Variants in ERI1 observed in about 807,000 individuals in gnomAD.
ERI1 encodes 3'-5' exoribonuclease 1.
In ERI1, 39 loss-of-function variants were observed where a neutral mutation model predicts 39.7. The ratio of observed to expected loss-of-function variants is 0.98; its 90% CI spans 0.76 to 1.28. The LOEUF (loss-of-function observed/expected upper bound fraction) is 1.28. Among genes scored for constraint, ERI1 ranks in the 50% most tolerant of loss-of-function variants. The probability of loss-of-function intolerance (pLI) is 0.00; values close to 1 mark genes in which losing one functional copy is unlikely to be tolerated. For synonymous variants in ERI1, 204 were observed against 149.6 expected (o/e 1.36, Z -2.65); for missense variants, 581 against 416.9 (o/e 1.39, Z -3.43).
At chr8:9,082,260 C>A (rs1391382235) in intron 3 of ERI1, among the ~76,000 whole-genome samples, 1 of 152,170 alleles carries the variant, frequency 6.6e-6, no homozygotes, top group African/African-American at 2.4e-5. Context: ...CCTCTTACTC[C>A]TTTTACCAGA....
At chr8:9,008,470 T>A (rs898458172) in intron 2 of ERI1, among the ~76,000 whole-genome samples, 12 of 152,206 alleles carry the variant, frequency 7.9e-5, no homozygotes, top group African/African-American at 2.9e-4. Flanking sequence ...ATTAGTGAGA[T>A]AGAGTATTTT....
chr8:9,040,433 A>G (rs1320455320), intron 3 of ERI1, among the ~76,000 whole-genome samples: 1 of 152,224 alleles, frequency 6.6e-6, no homozygotes, highest in Non-Finnish European at 1.5e-5. Flanking sequence ...TTGGGGCAGC[A>G]GTGCCAAGTG....
At chr8:9,050,461 G>A (rs987860930) in intron 3 of ERI1, among the ~76,000 whole-genome samples, 4 of 150,536 alleles carry the variant, frequency 2.7e-5, no homozygotes, top group Admixed American at 1.3e-4. Flanking sequence ...GAGCTGAGAC[G>A]GTGCCATTAC....
At chr8:9,019,282 C>G (rs1817635500) in intron 5 of ERI1, among the ~76,000 whole-genome samples, 1 of 152,202 alleles carries the variant, frequency 6.6e-6, no homozygotes, top group Admixed American at 6.5e-5. Context: ...AGGTTATCCT[C>G]TATACCTGAG....
chr8:9,053,260 G>T (rs892865646), intron 3 of ERI1, among the ~76,000 whole-genome samples: 18 of 152,214 alleles, frequency 1.2e-4, no homozygotes, highest in African/African-American at 4.1e-4. Flanking sequence ...CAAGTGGTCC[G>T]CCTGCCTTGG....
At chr8:9,075,179 A>C (rs2117437089) in intron 3 of ERI1, among the ~76,000 whole-genome samples, 1 of 152,386 alleles carries the variant, frequency 6.6e-6, no homozygotes, top group East Asian at 1.9e-4. Flanking sequence ...CAAGCAACAC[A>C]GAAGAAAAGT....
chr8:9,042,380 A>G (rs996755566), intron 3 of ERI1, among the ~76,000 whole-genome samples: 31 of 152,308 alleles, frequency 2.0e-4, no homozygotes, highest in African/African-American at 7.0e-4. Context: ...TGAGTATTTC[A>G]TAGGTGTCAC....
chr8:9,096,224 G>C (rs1799873640), intron 3 of ERI1, among the ~76,000 whole-genome samples: 1 of 152,162 alleles, frequency 6.6e-6, no homozygotes, highest in African/African-American at 2.4e-5. Flanking sequence ...CAGTTGCTTT[G>C]CTTCCTCTCT....
chr8:9,096,506 A>T (rs1483991003), intron 3 of ERI1, among the ~76,000 whole-genome samples: 2 of 152,092 alleles, frequency 1.3e-5, no homozygotes, highest in Non-Finnish European at 2.9e-5. Flanking sequence ...AAGAACTTGG[A>T]CAACGTCACT....
intron 3 of ERI1, among the ~76,000 whole-genome samples, chr8:9,055,939 C>T (rs1398893075): frequency 6.6e-6 from 1 of 152,104 alleles, no homozygotes; most frequent in Non-Finnish European, 1.5e-5. Flanking sequence ...TGGCTTGCCT[C>T]AGGGAAAAAT....
chr8:9,045,093 G>C (rs577792841), intron 3 of ERI1, among the ~76,000 whole-genome samples: 13 of 151,994 alleles, frequency 8.6e-5, no homozygotes, highest in African/African-American at 3.1e-4. Context: ...AAAATTAGCT[G>C]GGCGTAGTGG....
chr8:9,027,463 T>C (rs1797259885), intron 6 of ERI1, among the ~76,000 whole-genome samples: 1 of 152,170 alleles, frequency 6.6e-6, no homozygotes, highest in Non-Finnish European at 1.5e-5. Context: ...TGATAACGTC[T>C]TTAGTAATAA....
At chr8:9,023,838 T>A (rs949838445) in intron 6 of ERI1, among the ~76,000 whole-genome samples, 2 of 134,998 alleles carry the variant, frequency 1.5e-5, no homozygotes, top group Non-Finnish European at 3.1e-5. Context: ...TCACTCTGTC[T>A]CCCAAGCTGG....
chr8:9,039,112 G>T (rs1396929773), intron 3 of ERI1, among the ~76,000 whole-genome samples: 1 of 152,078 alleles, frequency 6.6e-6, no homozygotes, highest in Non-Finnish European at 1.5e-5. Context: ...AACCCAAAGG[G>T]CTTTACCAAG....
At position 9,031,620 on chromosome 8, in the gene ERI1, G is replaced by A. The variant is rs117803170; in HGVS notation, c.*1586G>A. 19 of 152,240 alleles carry A rather than the reference G, an allele frequency of 1.2e-4. No individual in the cohort carries two copies. In the East Asian group the frequency reaches 1.9e-3, roughly 15 times the overall value. 9.4% of individuals were successfully genotyped at this position (152,240 alleles called of 1,614,324 possible). A position where few individuals can be genotyped will look rare whatever the true frequency, so the allele number is the denominator to read the frequency against. ...TGCAATTGGAAAATCTGATGATGAC[G>A]AGGAAATATTACGTTTCCAGTTTTT... On this transcript the variant is annotated 3_prime_UTR_variant, in exon 7 of 7. Transcript: ENST00000250263.
chr8:9,037,065 C>G (rs909453842), downstream of ERI1, among the ~76,000 whole-genome samples: 1 of 152,204 alleles, frequency 6.6e-6, no homozygotes. Flanking sequence ...AGACTTCTCT[C>G]TTGCTGTCTC....
chr8:9,066,070 C>G (rs979458569), intron 3 of ERI1, among the ~76,000 whole-genome samples: 2 of 152,168 alleles, frequency 1.3e-5, no homozygotes, highest in African/African-American at 4.8e-5. Flanking sequence ...ACACCACTAT[C>G]TTCTCTATCT....
chr8:9,074,069 T>C (rs540265399), intron 3 of ERI1, among the ~76,000 whole-genome samples: 1 of 149,968 alleles, frequency 6.7e-6, no homozygotes, highest in South Asian at 2.1e-4. Context: ...TACAGGTGTA[T>C]AAGCCACCGC....
chr8:9,073,189 A>G (rs1457875117), intron 3 of ERI1, among the ~76,000 whole-genome samples: 2 of 152,174 alleles, frequency 1.3e-5, no homozygotes, highest in African/African-American at 2.4e-5. Context: ...TTTGTCCTTG[A>G]TTTTGGAAGC....
Sources: gnomAD v4.1 joint callset for allele counts (sites outside exome capture counted in the v4.1 genomes callset) on GRCh38, gnomAD v4.1.1 for gene constraint, MANE v1.5 for transcripts, NCBI Gene and HGNC (gene_info 2026-07-23, HGNC 2026-07-21) for gene names.